The following PEAK1 variants were observed in gnomAD, a reference collection of about 807,000 sequenced individuals.
PEAK1 encodes inactive tyrosine-protein kinase PEAK1.
A neutral mutation model predicts 124.7 loss-of-function variants in PEAK1; 54 were observed. The observed-to-expected ratio is 0.43, with a 90% CI of 0.35 to 0.54. The LOEUF is 0.54. PEAK1 is among the 20% of genes least tolerant of loss of function. PEAK1 has a pLI of 0.01. For missense variants in PEAK1, 2,046 were observed against 2,134.5 expected, an observed-to-expected ratio of 0.96 and a Z score of 0.82; for synonymous variants, 719 against 760.0, an observed-to-expected ratio of 0.95 and a Z score of 0.89.
chr15:77,220,796 T>C (rs1414920577), intron 6 of PEAK1, among the ~76,000 whole-genome samples: 1 of 152,086 alleles, frequency 6.6e-6, no homozygotes, highest in African/African-American at 2.4e-5. Context: ...TGACAATCTA[T>C]ATGTCTCATA....
chr15:77,171,344 T>C (rs1292259465), intron 7 of PEAK1, among the ~76,000 whole-genome samples: 1 of 152,114 alleles, frequency 6.6e-6, no homozygotes, highest in Non-Finnish European at 1.5e-5. Context: ...AATTAATCCA[T>C]TTTATTTTAA....
chr15:77,265,661 C>G (rs933750491), intron 5 of PEAK1, among the ~76,000 whole-genome samples: 3 of 151,960 alleles, frequency 2.0e-5, no homozygotes, highest in Non-Finnish European at 4.4e-5. Flanking sequence ...GTTGGTGGGA[C>G]TGTAAACTAG....
chr15:77,286,409 G>A lies in PEAK1; in HGVS notation c.-521+14C>T, dbSNP rs868338500. 90 of 1,193,492 alleles carry A rather than the reference G, an allele frequency of 7.5e-5. No individual in the cohort carries two copies. In the Middle Eastern group the frequency reaches 2.8e-3, roughly 38 times the overall value. 73.9% of individuals were successfully genotyped at this position (1,193,492 alleles called of 1,614,324 possible). A position where few individuals can be genotyped will look rare whatever the true frequency, so the allele number is the denominator to read the frequency against. Reference sequence around the variant, plus strand: ...GAATAAACATGTTACATTATGGAAAGAAAAAGTACAAACCTGGTTTAATTG... The same window carrying A: ...GAATAAACATGTTACATTATGGAAAAAAAAAGTACAAACCTGGTTTAATTG... On this transcript the variant is annotated intron_variant, in intron 3 of 9. Coordinates refer to ENST00000682557, the MANE Select transcript of PEAK1 (RefSeq NM_001385026.1).
intron 2 of PEAK1, among the ~76,000 whole-genome samples, chr15:77,326,310 G>GA (rs1257370263): frequency 2.6e-5 from 4 of 152,268 alleles, no homozygotes; most frequent in African/African-American, 9.6e-5. Flanking sequence ...ACTATCTTGT[G>GA]ATGACAAACC....
chr15:77,298,570 T>G (rs2063631980), intron 2 of PEAK1, among the ~76,000 whole-genome samples: 1 of 152,054 alleles, frequency 6.6e-6, no homozygotes, highest in Non-Finnish European at 1.5e-5. Context: ...CTTACCACAT[T>G]TCTTATCTAG....
intron 7 of PEAK1, among the ~76,000 whole-genome samples, chr15:77,172,342 T>A (rs2056568118): frequency 6.6e-6 from 1 of 152,206 alleles, no homozygotes; most frequent in Non-Finnish European, 1.5e-5. Context: ...CAACCATCAA[T>A]CTCATCAGAA....
chr15:77,299,124 A>T (rs2063660156), intron 2 of PEAK1, among the ~76,000 whole-genome samples: 2 of 152,158 alleles, frequency 1.3e-5, no homozygotes, highest in South Asian at 4.1e-4. Context: ...TTCTTACAAT[A>T]ATTCTTTCCA....
intron 6 of PEAK1, among the ~76,000 whole-genome samples, chr15:77,249,308 T>C (rs2060736213): frequency 6.6e-6 from 1 of 152,170 alleles, no homozygotes; most frequent in South Asian, 2.1e-4. Flanking sequence ...TATACTCCCC[T>C]ACCCACAAAG....
chr15:77,352,263 C>G (rs1031410490), intron 2 of PEAK1: 7 of 985,194 alleles, frequency 7.1e-6, no homozygotes, highest in Non-Finnish European at 7.2e-6. Context: ...GGATTTGGTC[C>G]TCCTAGCCAT....
chr15:77,357,539 G>T (rs2067598585), intron 2 of PEAK1, among the ~76,000 whole-genome samples: 1 of 152,164 alleles, frequency 6.6e-6, no homozygotes, highest in Admixed American at 6.5e-5. Context: ...CTCCCAAAGT[G>T]CTGGAATTAC....
intron 8 of PEAK1, among the ~76,000 whole-genome samples, chr15:77,148,376 T>G (rs1162018157): frequency 6.6e-6 from 1 of 152,188 alleles, no homozygotes; most frequent in Non-Finnish European, 1.5e-5. Flanking sequence ...TGTTTTGTTA[T>G]AATTGGCAGA....
intron 6 of PEAK1, among the ~76,000 whole-genome samples, chr15:77,183,741 TAAAG>T (rs2057399393): frequency 6.6e-6 from 1 of 152,072 alleles, no homozygotes; most frequent in Non-Finnish European, 1.5e-5. Flanking sequence ...TTGGAATATA[TAAAG>T]AACTTTCAAA....
chr15:77,328,104 A>G (rs2065685762), intron 2 of PEAK1, among the ~76,000 whole-genome samples: 1 of 152,172 alleles, frequency 6.6e-6, no homozygotes, highest in Non-Finnish European at 1.5e-5. Context: ...ATCACTTTAC[A>G]GTATACCACA....
intron 2 of PEAK1, among the ~76,000 whole-genome samples, chr15:77,358,989 C>A (rs2067708277): frequency 6.6e-6 from 1 of 152,178 alleles, no homozygotes; most frequent in Non-Finnish European, 1.5e-5. Flanking sequence ...AGAAAGATCT[C>A]AATAAGCGTT....
At chr15:77,407,884 T>G (rs1595869975) in intron 1 of PEAK1, among the ~76,000 whole-genome samples, 1 of 20,234 alleles carries the variant, frequency 4.9e-5, no homozygotes, top group South Asian at 7.9e-4. Flanking sequence ...TAAAGCATGA[T>G]ATATATATAT....
chr15:77,125,498 A>G lies in PEAK1; in HGVS notation c.4077+7507T>C, dbSNP rs558819376. The stretch of plus-strand genomic sequence containing the variant: ...CAGCACTGTGTGTGTGTGTGTGTGT[A>G]TGTGTGTGTGTGTGTATATATATCA... On this transcript the variant is annotated intron_variant, in intron 9 of 9. Transcript: ENST00000682557. 4.5e-3 allele frequency among the ~76,000 whole-genome samples: 674 copies of G among 150,284 alleles called. 1 individual carries two copies. Among genetic ancestry groups the G allele is most frequent in the African/African-American group, 0.014 (556 of 40,990 alleles).
At chr15:77,147,980 T>C (rs1169165880) in intron 8 of PEAK1, among the ~76,000 whole-genome samples, 2 of 152,230 alleles carry the variant, frequency 1.3e-5, no homozygotes, top group African/African-American at 4.8e-5. Flanking sequence ...AATTTTTATT[T>C]TTATAAATTT....
chr15:77,357,844 G>A (rs952933118), intron 2 of PEAK1, among the ~76,000 whole-genome samples: 16 of 151,862 alleles, frequency 1.1e-4, no homozygotes, highest in African/African-American at 1.7e-4. Context: ...AGAGGCCCTC[G>A]AAAACTTTTT....
At chr15:77,363,083 T>C (rs554770125) in intron 2 of PEAK1, among the ~76,000 whole-genome samples, 51 of 152,264 alleles carry the variant, frequency 3.3e-4, no homozygotes, top group Non-Finnish European at 6.3e-4. Context: ...CTCGAACTCC[T>C]TACCTCAGGT....
Sources: allele counts gnomAD v4.1 joint callset (sites outside exome capture counted in the v4.1 genomes callset), GRCh38; gene constraint gnomAD v4.1.1; transcripts MANE v1.5; gene names NCBI Gene and HGNC (gene_info 2026-07-23, HGNC 2026-07-21).